The following UBA2 variants were observed in gnomAD, a reference collection of about 807,000 sequenced individuals.
UBA2 encodes the protein SUMO-activating enzyme subunit 2.
In UBA2, 11 loss-of-function variants were observed where a neutral mutation model predicts 77.2. The ratio of observed to expected loss-of-function variants is 0.14; its 90% CI spans 0.09 to 0.24. The LOEUF (loss-of-function observed/expected upper bound fraction) is 0.24. Among genes scored for constraint, UBA2 ranks in the 10% least tolerant of loss-of-function variants. The pLI is 1.00. For synonymous variants in UBA2, 278 were observed against 276.7 expected, an observed-to-expected ratio of 1.00 and a Z score of -0.05; for missense variants, 487 against 781.7, an observed-to-expected ratio of 0.62 and a Z score of 4.50.
At chr19:34,451,127 G>C (rs1197135077) in intron 9 of UBA2, among the ~76,000 whole-genome samples, 2 of 152,038 alleles carry the variant, frequency 1.3e-5, no homozygotes, top group Non-Finnish European at 2.9e-5. Context: ...TCAGTCTCCT[G>C]AGTAGCTGGG....
In UBA2 at chr19:34,460,473, G is replaced by A. The variant is rs1423609430; in HGVS notation, c.1405G>A (p.Val469Met). The change falls in exon 14 of 17, where the codon GTG becomes ATG. Residue 469 changes from valine (V) to methionine (M), a missense_variant. Around this residue, in one of 9 missense-constraint regions of UBA2, gnomAD observed 300 missense variants for 454.3 expected, o/e 0.66. Coordinates refer to ENST00000246548, the MANE Select transcript of UBA2 (RefSeq NM_005499.3). Reference protein sequence around the residue: ...VTVLTLQDKIVKEKFAMVAPD... With the variant: ...VTVLTLQDKIMKEKFAMVAPD... Reference sequence around the variant, plus strand: ...ATCCTTTTTTTTTTTTTTGTAGATAGTGAAAGAAAAATTTGCTATGGTAGC... The same window carrying A: ...ATCCTTTTTTTTTTTTTTGTAGATAATGAAAGAAAAATTTGCTATGGTAGC... The A allele has an allele frequency of 6.5e-7, 1 of 1,547,220 alleles. No homozygotes were observed. Among genetic ancestry groups the A allele is most frequent in the East Asian group, 2.3e-5 (1 of 43,770 alleles).
intron 8 of UBA2, among the ~76,000 whole-genome samples, chr19:34,449,603 G>GA (rs1321391536): frequency 3.2e-4 from 49 of 152,126 alleles, no homozygotes; most frequent in South Asian, 4.1e-4. Context: ...TAAGGAAAAA[G>GA]AAAAAAATAT....
At chr19:34,458,739 C>T (rs759449268) in intron 12 of UBA2, 30 bp from the exon 13 acceptor site, 18 of 1,592,328 alleles carry the variant, frequency 1.1e-5, no homozygotes, top group East Asian at 2.2e-5. Context: ...AGCACGTTTC[C>T]GATTTCTGCC....
chr19:34,455,893 G>A (rs547696644), intron 12 of UBA2, among the ~76,000 whole-genome samples: 7 of 151,764 alleles, frequency 4.6e-5, no homozygotes, highest in Non-Finnish European at 7.4e-5. Flanking sequence ...GCCCACCTCG[G>A]CCTCCCAAAG....
chr19:34,436,531 T>G (rs1466085450), intron 5 of UBA2, among the ~76,000 whole-genome samples: 1 of 152,194 alleles, frequency 6.6e-6, no homozygotes, highest in East Asian at 1.9e-4. Flanking sequence ...ACTCCTGACC[T>G]CAGGTGATCC....
At chr19:34,438,886 T>G (rs1192537037) in intron 6 of UBA2, 120 bp downstream of exon 6, 1 of 1,324,078 alleles carries the variant, frequency 7.6e-7, no homozygotes, top group Non-Finnish European at 1.0e-6. Context: ...AAGGGATGCT[T>G]TAGTAGCTTT....
intron 6 of UBA2, 145 bp downstream of exon 6, chr19:34,438,911 T>C: frequency 8.4e-7 from 1 of 1,185,712 alleles, no homozygotes; most frequent in Non-Finnish European, 1.2e-6. Context: ...CAGTATTTCT[T>C]AGGTTAAATG....
chr19:34,467,711 C>G lies in UBA2; in HGVS notation c.1741+697C>G, dbSNP rs1301462399. On this transcript the variant is annotated intron_variant, in intron 16 of 16. Transcript: ENST00000246548. ...GGCGGAGGTTGCAGTGAGCTGGGATCGCGCCACTGCACTCCATCCAGCCTG... is the reference window on the plus strand; with the variant it reads ...GGCGGAGGTTGCAGTGAGCTGGGATGGCGCCACTGCACTCCATCCAGCCTG... Among the ~76,000 whole-genome samples, 2 of 152,100 alleles carry G rather than the reference C, an allele frequency of 1.3e-5. 1 individual carries two copies. Among genetic ancestry groups the G allele is most frequent in the South Asian group, 4.1e-4 (2 of 4,830 alleles).
intron 14 of UBA2, among the ~76,000 whole-genome samples, chr19:34,463,441 C>T (rs1171848252): frequency 2.0e-5 from 3 of 152,172 alleles, no homozygotes. Context: ...GCTGGAACAC[C>T]AAGATGAAGG....
intron 8 of UBA2, among the ~76,000 whole-genome samples, chr19:34,446,305 A>G (rs1419051346): frequency 6.6e-6 from 1 of 152,184 alleles, no homozygotes; most frequent in Non-Finnish European, 1.5e-5. Flanking sequence ...ATTGGACATA[A>G]TTTACCTGTT....
chr19:34,452,214 TAGA>T, intron 10 of UBA2, 67 bp downstream of exon 10: 1 of 1,246,042 alleles, frequency 8.0e-7, no homozygotes, highest in Non-Finnish European at 1.1e-6. Context: ...TGAGATGTAA[TAGA>T]AGCTAGTCAT....
At position 34,445,034 on chromosome 19, in the gene UBA2, A is replaced by G. The variant is rs373607806; in HGVS notation, c.684A>G (p.Ala228=). ...EPTEAEARAR[A]SNEDGDIKRI... is the part of the protein sequence containing the mutation. ...CGGAAGCCGAAGCCAGAGCTAGAGC[A>G]TCTAATGAAGATGGTGACATTAAAC... The change falls in exon 8 of 17, where the codon GCA becomes GCG. Residue 228 remains alanine, a synonymous_variant. Coordinates refer to ENST00000246548, the MANE Select transcript of UBA2 (RefSeq NM_005499.3). 8.7e-6 allele frequency: 14 copies of G among 1,613,994 alleles called. No individual in the cohort carries two copies. Among genetic ancestry groups the G allele is most frequent in the South Asian group, 1.1e-5 (1 of 91,014 alleles).
At chr19:34,452,257 ATATAT>A in intron 10 of UBA2, 110 bp downstream of exon 10, 1 of 1,005,300 alleles carries the variant, frequency 9.9e-7, no homozygotes, top group Non-Finnish European at 1.4e-6. Context: ...TTTTGAGGAA[ATATAT>A]TGATTTGGCT....
At chr19:34,462,485 G>A (rs1487272935) in intron 14 of UBA2, among the ~76,000 whole-genome samples, 3 of 152,188 alleles carry the variant, frequency 2.0e-5, no homozygotes, top group African/African-American at 7.2e-5. Flanking sequence ...GGGTAAGAAT[G>A]CCAAGGGCAT....
chr19:34,436,199 G>A (rs574681666), intron 5 of UBA2, among the ~76,000 whole-genome samples: 1 of 152,006 alleles, frequency 6.6e-6, no homozygotes, highest in Non-Finnish European at 1.5e-5. Flanking sequence ...ACTTTTTAGG[G>A]GTGTATTTGT....
chr19:34,464,223 C>T, intron 15 of UBA2, 92 bp downstream of exon 15: 1 of 851,598 alleles, frequency 1.2e-6, no homozygotes, highest in Non-Finnish European at 1.9e-6. Flanking sequence ...ATCCTTAAAC[C>T]CTGCTGTTCA....
At chr19:34,457,953 T>TC (rs1317597839) in intron 12 of UBA2, among the ~76,000 whole-genome samples, 1 of 152,226 alleles carries the variant, frequency 6.6e-6, no homozygotes, top group Non-Finnish European at 1.5e-5. Flanking sequence ...TACATTTTTT[T>TC]CCCTCATTAT....
intron 4 of UBA2, among the ~76,000 whole-genome samples, chr19:34,434,609 G>A (rs1020513971): frequency 9.2e-5 from 14 of 152,170 alleles, no homozygotes; most frequent in African/African-American, 3.4e-4. Context: ...GAGAAATATG[G>A]CACGTTGGAT....
At chr19:34,441,930 CA>C (rs71165656) in intron 6 of UBA2, among the ~76,000 whole-genome samples, 74 of 136,364 alleles carry the variant, frequency 5.4e-4, no homozygotes, top group Middle Eastern at 3.6e-3. Flanking sequence ...CAGAAAAAGA[CA>C]AAAAAAAAAA....
Sources: allele counts gnomAD v4.1 joint callset (sites outside exome capture counted in the v4.1 genomes callset), GRCh38; gene constraint gnomAD v4.1.1; regional missense constraint gnomAD v4.1.1; transcripts MANE v1.5; gene names NCBI Gene and HGNC (gene_info 2026-07-23, HGNC 2026-07-21).